CLNS1A: variants seen among roughly 807,000 people sequenced by gnomAD.
CLNS1A encodes the protein chloride nucleotide-sensitive channel 1A, also known as methylosome subunit pICln.
A neutral mutation model predicts 29.4 loss-of-function variants in CLNS1A; 16 were observed. The observed-to-expected ratio is 0.54, with a 90% CI of 0.37 to 0.83. The LOEUF is 0.83. Among genes scored for constraint, CLNS1A ranks in the 40% least tolerant of loss-of-function variants. CLNS1A has a pLI of 0.00. For missense variants in CLNS1A, 235 were observed against 287.4 expected, an observed-to-expected ratio of 0.82 and a Z score of 1.32; for synonymous variants, 96 against 104.8, an observed-to-expected ratio of 0.92 and a Z score of 0.51.
At chr11:77,637,521 C>T (rs1012153830) in intron 1 of CLNS1A, 69 bp downstream of exon 1, 1 of 1,503,662 alleles carries the variant, frequency 6.7e-7, no homozygotes, top group East Asian at 2.5e-5. Context: ...CCGGCTCCTT[C>T]GCACCGCCTG....
chr11:77,628,041 G>C (rs1959038714), intron 2 of CLNS1A, among the ~76,000 whole-genome samples: 1 of 152,122 alleles, frequency 6.6e-6, no homozygotes, highest in Admixed American at 6.6e-5. Flanking sequence ...GGCCAGGATG[G>C]TCTCGATCTC....
intron 6 of CLNS1A, among the ~76,000 whole-genome samples, chr11:77,618,151 G>C (rs1421363562): frequency 6.6e-6 from 1 of 152,106 alleles, no homozygotes; most frequent in Non-Finnish European, 1.5e-5. Context: ...ATAATAGAGT[G>C]GCTGATGTTC....
At chr11:77,619,113 T>C (rs1958932094) in intron 6 of CLNS1A, among the ~76,000 whole-genome samples, 1 of 152,260 alleles carries the variant, frequency 6.6e-6, no homozygotes, top group Non-Finnish European at 1.5e-5. Context: ...CTTCAGTTAT[T>C]ATCTAACATA....
At chr11:77,624,252 G>T (rs1958992426) in intron 4 of CLNS1A, among the ~76,000 whole-genome samples, 1 of 151,740 alleles carries the variant, frequency 6.6e-6, no homozygotes, top group African/African-American at 2.4e-5. Flanking sequence ...GCATCAGAGT[G>T]AGACCCTGTT....
intron 4 of CLNS1A, 146 bp from the exon 5 acceptor site, chr11:77,622,819 G>A (rs1033599007): frequency 7.3e-5 from 41 of 565,310 alleles, no homozygotes; most frequent in East Asian, 4.4e-4. Context: ...GTGGTGGCAC[G>A]CGCCTGTTGT....
In CLNS1A at chr11:77,625,043, T is replaced by G. The variant is rs1317383552; in HGVS notation, c.392A>C (p.Glu131Ala). 6.2e-7 allele frequency: 1 copy of G among 1,613,500 alleles called. No individual in the cohort carries two copies. The highest frequency in any genetic ancestry group is 1.3e-5 in the African/African-American group (1 of 74,914). The change falls in exon 4 of 7, where the codon GAA becomes GCA. Residue 131 changes from glutamate to alanine, a missense_variant. Physicochemically the swap from Glu to Ala is moderately radical, Grantham distance 107 (BLOSUM62 -1). Coordinates refer to ENST00000525428, the MANE Select transcript of CLNS1A (RefSeq NM_001293.3). The part of the protein sequence containing the change: ...ALEAMFTAMC[E>A]CQALHPDPED... Reference sequence around the variant, plus strand: ...AGGATCTGGATGCAAGGCCTGGCATTCGCACATTGCAGTGAACATTGCCTC... The same window carrying G: ...AGGATCTGGATGCAAGGCCTGGCATGCGCACATTGCAGTGAACATTGCCTC...
Position 77,624,967 on chromosome 11 carries a change from T to A in CLNS1A, c.468A>T (p.Ala156=). The change falls in exon 4 of 7, where the codon GCA becomes GCT. Residue 156 remains alanine, a synonymous_variant. Coordinates refer to ENST00000525428, the MANE Select transcript of CLNS1A (RefSeq NM_001293.3). ...DYDGEEYDVE[A]HEQGQGDIPT... ...TTTAAAATCCATTTCACTAACCATG[T>A]GCTTCCACATCATATTCTTCTCCAT... 1 of 1,599,996 alleles carries A rather than the reference T, an allele frequency of 6.3e-7. No homozygotes were observed. Among genetic ancestry groups the A allele is most frequent in the Non-Finnish European group, 8.5e-7 (1 of 1,170,368 alleles).
intron 2 of CLNS1A, among the ~76,000 whole-genome samples, chr11:77,629,423 T>C (rs539861131): frequency 2.2e-3 from 336 of 151,658 alleles, no homozygotes; most frequent in African/African-American, 7.5e-3. Context: ...AGACGGAGTC[T>C]CACTTTGTCG....
rs201542128 is a variant in CLNS1A at position 77,629,855 on chromosome 11, T to C, written c.170A>G (p.Glu57Gly). 93 of 1,613,848 alleles carry C rather than the reference T, an allele frequency of 5.8e-5. 1 individual carries two copies. The African/African-American group carries it at 1.1e-3, about 20-fold the overall frequency. ...TGCATGTAAACTAATGGTGGGGTAT[T>C]CCAGTGAGAATCCTAATCCAGAGCC... ...LDGSGLGFSL[E>G]YPTISLHALS... Residue 57 changes from glutamate (E) to glycine (G), a missense_variant, in exon 2 of 7, where the codon GAA (glutamate) becomes GGA (glycine). Glu to Gly is a moderately conservative substitution (Grantham distance 98). Coordinates refer to ENST00000525428, the MANE Select transcript of CLNS1A (RefSeq NM_001293.3).
At chr11:77,631,790 TGCAGTA>T (rs1439493656) in intron 1 of CLNS1A, among the ~76,000 whole-genome samples, 4 of 151,854 alleles carry the variant, frequency 2.6e-5, no homozygotes, top group African/African-American at 9.7e-5. Context: ...CAGGCTGGAG[TGCAGTA>T]GCATGATCTT....
At chr11:77,619,114 A>G (rs778536684) in intron 6 of CLNS1A, among the ~76,000 whole-genome samples, 7 of 152,256 alleles carry the variant, frequency 4.6e-5, no homozygotes, top group Admixed American at 2.6e-4. Flanking sequence ...TTCAGTTATT[A>G]TCTAACATAT....
At chr11:77,618,805 G>A (rs1242988624) in intron 6 of CLNS1A, 2 of 152,206 alleles carry the variant, frequency 1.3e-5, no homozygotes, top group African/African-American at 2.4e-5. Context: ...AAGGAATTCT[G>A]AAATATTTAT....
intron 2 of CLNS1A, among the ~76,000 whole-genome samples, chr11:77,628,130 CAG>C (rs1371142359): frequency 2.0e-5 from 3 of 152,242 alleles, no homozygotes; most frequent in South Asian, 4.2e-4. Flanking sequence ...GGCCTAATGA[CAG>C]AGTTTTCTTA....
At chr11:77,627,330 T>C (rs1200198490) in intron 2 of CLNS1A, among the ~76,000 whole-genome samples, 1 of 149,926 alleles carries the variant, frequency 6.7e-6, no homozygotes, top group African/African-American at 2.5e-5. Context: ...TCCCAGCTAC[T>C]CGGGAGGCTG....
chr11:77,632,292 G>A (rs529229397), intron 1 of CLNS1A, among the ~76,000 whole-genome samples: 14 of 152,164 alleles, frequency 9.2e-5, no homozygotes, highest in African/African-American at 2.7e-4. Flanking sequence ...ATTTTCTGGC[G>A]TTATCACAAT....
intron 1 of CLNS1A, among the ~76,000 whole-genome samples, chr11:77,633,053 C>G (rs1280055124): frequency 7.1e-6 from 1 of 141,028 alleles, no homozygotes. Context: ...CGCTACCACA[C>G]TCAAGCCTGG....
At chr11:77,633,569 C>T (rs1315317178) in intron 1 of CLNS1A, among the ~76,000 whole-genome samples, 2 of 152,012 alleles carry the variant, frequency 1.3e-5, no homozygotes, top group African/African-American at 4.8e-5. Context: ...TGCTTTTGCA[C>T]AAGTATGGTG....
At chr11:77,624,291 A>G (rs11237244) in intron 4 of CLNS1A, among the ~76,000 whole-genome samples, 29,446 of 151,998 alleles carry the variant, frequency 0.19, 3,337 homozygotes, top group Non-Finnish European at 0.26. Context: ...TAATAAAACA[A>G]TATAAATGAT....
intron 2 of CLNS1A, among the ~76,000 whole-genome samples, chr11:77,629,332 AACT>A (rs569167933): frequency 7.2e-4 from 110 of 152,184 alleles, no homozygotes; most frequent in Non-Finnish European, 1.4e-3. Context: ...TTGCTTAATA[AACT>A]ACTACCCAAA....
Sources: allele counts gnomAD v4.1 joint callset (sites outside exome capture counted in the v4.1 genomes callset), GRCh38; gene constraint gnomAD v4.1.1; transcripts MANE v1.5; gene names NCBI Gene and HGNC (gene_info 2026-07-23, HGNC 2026-07-21).